Variants in FRMD4A observed in about 807,000 individuals in gnomAD.
The protein encoded by FRMD4A is FERM domain-containing protein 4A.
Under a neutral mutation model 129.1 loss-of-function variants are expected in FRMD4A, and 29 were observed. That is an observed-to-expected ratio of 0.22 (90% CI 0.17 to 0.31). FRMD4A has a LOEUF of 0.31. Among genes scored for constraint, FRMD4A ranks in the 10% least tolerant of loss-of-function variants. The pLI is 1.00. For missense variants in FRMD4A, 1,272 were observed against 1,375.8 expected (o/e 0.92, Z 1.19); for synonymous variants, 634 against 571.6 (o/e 1.11, Z -1.56).
intron 23 of FRMD4A, chr10:13,654,155 T>C (rs574750763): frequency 3.6e-6 from 2 of 560,644 alleles, no homozygotes; most frequent in South Asian, 4.9e-5. Context: ...ACAGTCCCAC[T>C]TCGTGCTTCC....
At chr10:13,731,401 C>T (rs1276232260) in intron 12 of FRMD4A, among the ~76,000 whole-genome samples, 1 of 152,168 alleles carries the variant, frequency 6.6e-6, no homozygotes, top group Admixed American at 6.5e-5. Context: ...GTAATCCCAG[C>T]ACTTTGGGAG....
intron 2 of FRMD4A, among the ~76,000 whole-genome samples, chr10:14,248,274 G>T (rs145186611): frequency 1.3e-5 from 2 of 152,242 alleles, no homozygotes; most frequent in South Asian, 4.1e-4. Flanking sequence ...AAAAAAATCC[G>T]ATTGACTATA....
chr10:13,659,909 T>TA (rs1409289981), intron 20 of FRMD4A, among the ~76,000 whole-genome samples: 1 of 152,088 alleles, frequency 6.6e-6, no homozygotes, highest in Admixed American at 6.5e-5. Flanking sequence ...AATGAGCTGA[T>TA]AATACACAGC....
At chr10:14,299,137 C>T (rs1333387291) in intron 2 of FRMD4A, among the ~76,000 whole-genome samples, 1 of 152,158 alleles carries the variant, frequency 6.6e-6, no homozygotes, top group East Asian at 1.9e-4. Flanking sequence ...GAAGGCTACC[C>T]CAGTAGTCCA....
intron 2 of FRMD4A, among the ~76,000 whole-genome samples, chr10:14,146,257 G>A (rs1341466543): frequency 1.3e-5 from 2 of 152,160 alleles, no homozygotes; most frequent in Admixed American, 6.5e-5. Flanking sequence ...CACTGAATGT[G>A]GCAGCTAGAT....
At chr10:14,194,233 T>C (rs529252718) in intron 2 of FRMD4A, among the ~76,000 whole-genome samples, 4 of 152,334 alleles carry the variant, frequency 2.6e-5, no homozygotes, top group African/African-American at 7.2e-5. Context: ...CCTTGACTCA[T>C]CCATCTCTGC....
intron 12 of FRMD4A, 167 bp from the exon 13 acceptor site, chr10:13,707,280 A>G: frequency 1.2e-6 from 1 of 831,152 alleles, no homozygotes; most frequent in Non-Finnish European, 1.7e-6. Context: ...ACATACACAC[A>G]CACACGCAGC....
chr10:14,121,008 A>G (rs2104550), intron 2 of FRMD4A, among the ~76,000 whole-genome samples: 113,411 of 151,828 alleles, frequency 0.75, 42,747 homozygotes, highest in African/African-American at 0.86. Context: ...CTAGATCAGT[A>G]TGCCTCACCC....
intron 4 of FRMD4A, among the ~76,000 whole-genome samples, chr10:13,803,741 T>C (rs368538610): frequency 4.1e-4 from 62 of 152,310 alleles, no homozygotes; most frequent in African/African-American, 1.5e-3. Flanking sequence ...TTTCTGGATC[T>C]CCAGTGGTTA....
At chr10:14,131,485 G>A (rs773133597) in intron 2 of FRMD4A, among the ~76,000 whole-genome samples, 34 of 151,734 alleles carry the variant, frequency 2.2e-4, no homozygotes, top group Middle Eastern at 6.8e-3. Flanking sequence ...ACGTGTGACT[G>A]TTCTGGAGAC....
At chr10:14,264,488 G>A (rs1267760074) in intron 2 of FRMD4A, among the ~76,000 whole-genome samples, 1 of 152,128 alleles carries the variant, frequency 6.6e-6, no homozygotes, top group East Asian at 1.9e-4. Context: ...CCAAAACAAT[G>A]CATTAATTCA....
At chr10:13,794,332 C>T (rs996126434) in intron 5 of FRMD4A, among the ~76,000 whole-genome samples, 1 of 136,514 alleles carries the variant, frequency 7.3e-6, no homozygotes, top group African/African-American at 2.8e-5. Context: ...GTGGAGGTCG[C>T]AGTGAGCCGA....
At chr10:14,158,693 TAGGAAG>T (rs1564348988) in intron 2 of FRMD4A, among the ~76,000 whole-genome samples, 2 of 119,896 alleles carry the variant, frequency 1.7e-5, no homozygotes, top group Admixed American at 8.2e-5. Flanking sequence ...GGAAGAGAAG[TAGGAAG>T]AGGAAGAGGA....
At chr10:14,278,305 C>A (rs754902002) in intron 2 of FRMD4A, among the ~76,000 whole-genome samples, 5 of 152,192 alleles carry the variant, frequency 3.3e-5, no homozygotes, top group Non-Finnish European at 5.9e-5. Context: ...CCTTGTTCTC[C>A]TAACTTACAA....
In FRMD4A at chr10:13,868,043, C is replaced by T. The variant is rs1029795325; in HGVS notation, c.46-9131G>A. ...CTAAGGCAGAAGGATTGCTTGAGCC[C>T]AGGAGTTCGAGACCAGCCTGGGCAA... On this transcript the variant is annotated intron_variant, in intron 2 of 24. Transcript: ENST00000357447. Among the ~76,000 whole-genome samples, 10 of 149,630 alleles carry T rather than the reference C, an allele frequency of 6.7e-5. No homozygotes were observed. In the East Asian group the frequency reaches 1.4e-3, roughly 20 times the overall value.
intron 11 of FRMD4A, 150 bp downstream of exon 11, chr10:13,740,044 G>T (rs1007913620): frequency 8.1e-6 from 5 of 620,638 alleles, no homozygotes; most frequent in South Asian, 5.9e-5. Flanking sequence ...AGGTTGCAGT[G>T]AGCCAAGATC....
At chr10:14,105,512 T>A (rs1327541942) in intron 2 of FRMD4A, among the ~76,000 whole-genome samples, 1 of 152,208 alleles carries the variant, frequency 6.6e-6, no homozygotes. Context: ...ATTATATAAA[T>A]TAATACATTG....
intron 2 of FRMD4A, among the ~76,000 whole-genome samples, chr10:14,055,462 A>C (rs7100850): frequency 8.6e-4 from 67 of 77,496 alleles, no homozygotes; most frequent in African/African-American, 2.0e-3. Flanking sequence ...CACACACACA[A>C]ACACACACAC....
intron 2 of FRMD4A, among the ~76,000 whole-genome samples, chr10:14,282,005 T>C (rs1030169215): frequency 2.5e-4 from 38 of 152,096 alleles, no homozygotes; most frequent in African/African-American, 8.0e-4. Context: ...GGGGGAGGCC[T>C]CACAATCATG....
Sources: allele counts gnomAD v4.1 joint callset (sites outside exome capture counted in the v4.1 genomes callset), GRCh38; gene constraint gnomAD v4.1.1; transcripts MANE v1.5; gene names NCBI Gene and HGNC (gene_info 2026-07-23, HGNC 2026-07-21).